The following ZNRF1 variants were observed in gnomAD, a reference collection of about 807,000 sequenced individuals.
ZNRF1 encodes zinc and ring finger 1, also known as E3 ubiquitin-protein ligase ZNRF1.
In ZNRF1, 3 loss-of-function variants were observed where a neutral mutation model predicts 18.4. The ratio of observed to expected loss-of-function variants is 0.16; its 90% CI spans 0.07 to 0.42. The LOEUF (loss-of-function observed/expected upper bound fraction) is 0.42, where lower values mean the gene tolerates loss of function less well. ZNRF1 is among the 10% of genes least tolerant of loss of function. The pLI is 0.99. For missense variants in ZNRF1, 310 were observed against 329.8 expected (o/e 0.94, Z 0.47); for synonymous variants, 157 against 144.2 (o/e 1.09, Z -0.64).
intron 1 of ZNRF1, among the ~76,000 whole-genome samples, chr16:75,069,250 A>AG (rs1374429609): frequency 6.6e-6 from 1 of 151,844 alleles, no homozygotes; most frequent in Non-Finnish European, 1.5e-5. Flanking sequence ...TTTGTTTGGC[A>AG]GGGGGGTTAT....
chr16:75,001,501 A>T (rs963977189), intron 1 of ZNRF1, among the ~76,000 whole-genome samples: 4 of 152,226 alleles, frequency 2.6e-5, no homozygotes, highest in African/African-American at 9.6e-5. Flanking sequence ...CTGAGTGAGA[A>T]GCAGGACATG....
chr16:75,106,811 G>T (rs1415968256), intron 4 of ZNRF1: 4 of 463,172 alleles, frequency 8.6e-6, no homozygotes. Context: ...AGGATCAGTT[G>T]GGGAAGAGAC....
chr16:75,025,647 C>T (rs2035212571), intron 1 of ZNRF1, among the ~76,000 whole-genome samples: 1 of 152,154 alleles, frequency 6.6e-6, no homozygotes, highest in South Asian at 2.1e-4. Flanking sequence ...AGCTCGACCC[C>T]CACTGCAGAG....
chr16:75,074,214 G>A (rs1033448940), intron 1 of ZNRF1, among the ~76,000 whole-genome samples: 2 of 152,174 alleles, frequency 1.3e-5, no homozygotes, highest in African/African-American at 4.8e-5. Context: ...GCAGTGTGGT[G>A]CCATGGAAGG....
At chr16:75,100,994 C>T (rs982123782) in intron 2 of ZNRF1, among the ~76,000 whole-genome samples, 6 of 152,206 alleles carry the variant, frequency 3.9e-5, no homozygotes, top group African/African-American at 1.4e-4. Flanking sequence ...AGTACAGTGG[C>T]ACAATCTTGG....
At chr16:75,012,390 T>G (rs1249464318) in intron 1 of ZNRF1, among the ~76,000 whole-genome samples, 1 of 152,142 alleles carries the variant, frequency 6.6e-6, no homozygotes, top group Non-Finnish European at 1.5e-5. Flanking sequence ...GACCTAATGA[T>G]GAGAATCTAG....
Position 75,109,069 on chromosome 16 carries a change from C to G in ZNRF1, c.*1369C>G, listed in dbSNP as rs552484633. On this transcript the variant is annotated 3_prime_UTR_variant, in exon 5 of 5. Transcript: ENST00000335325. ...GCCCCCCTCCTTCCAGCCTTTGCTC[C>G]CCATCCCACGTTCCACTCGCCCTGC... 1 of 153,174 alleles carries G rather than the reference C, an allele frequency of 6.5e-6. No homozygotes were observed. The highest frequency in any genetic ancestry group is 2.4e-5 in the African/African-American group (1 of 41,616). 9.5% of individuals were successfully genotyped at this position (153,174 alleles called of 1,614,324 possible).
intron 1 of ZNRF1, among the ~76,000 whole-genome samples, chr16:75,058,461 G>A (rs1293496556): frequency 1.3e-5 from 2 of 152,168 alleles, no homozygotes; most frequent in Non-Finnish European, 2.9e-5. Flanking sequence ...GCCCAACACT[G>A]TTGCAGTCAG....
intron 2 of ZNRF1, among the ~76,000 whole-genome samples, chr16:75,096,282 T>C: frequency 6.6e-6 from 1 of 152,156 alleles, no homozygotes; most frequent in Non-Finnish European, 1.5e-5. Flanking sequence ...TATGGACTCC[T>C]CATGTTCAGT....
chr16:75,040,844 G>C (rs1567475266), intron 1 of ZNRF1, among the ~76,000 whole-genome samples: 1 of 151,882 alleles, frequency 6.6e-6, no homozygotes, highest in Admixed American at 6.6e-5. Flanking sequence ...CTGACCTCAG[G>C]TGATCCACCC....
intron 1 of ZNRF1, among the ~76,000 whole-genome samples, chr16:75,023,608 C>T (rs1351743520): frequency 6.6e-6 from 1 of 151,822 alleles, no homozygotes; most frequent in East Asian, 2.0e-4. Flanking sequence ...CTCTTGAACC[C>T]GGGAGGTGGA....
At chr16:75,095,356 C>T (rs537005055) in intron 2 of ZNRF1, among the ~76,000 whole-genome samples, 28 of 152,212 alleles carry the variant, frequency 1.8e-4, no homozygotes, top group Middle Eastern at 3.4e-3. Flanking sequence ...GTGCTGCAGG[C>T]TTCGCGTCAG....
chr16:75,097,437 T>C (rs570051732), intron 2 of ZNRF1, among the ~76,000 whole-genome samples: 4 of 151,864 alleles, frequency 2.6e-5, no homozygotes, highest in Non-Finnish European at 5.9e-5. Flanking sequence ...ATGCTCAGCT[T>C]CTTATGTCAT....
At chr16:75,077,649 G>A (rs181570014) in intron 1 of ZNRF1, among the ~76,000 whole-genome samples, 6 of 152,316 alleles carry the variant, frequency 3.9e-5, no homozygotes, top group Admixed American at 6.5e-5. Flanking sequence ...CAACACAAAT[G>A]TATTTTCTTG....
intron 1 of ZNRF1, among the ~76,000 whole-genome samples, chr16:75,024,970 A>G (rs2035201076): frequency 6.6e-6 from 1 of 152,196 alleles, no homozygotes; most frequent in South Asian, 2.1e-4. Flanking sequence ...AAAGCACATT[A>G]TGCTTGTTTC....
intron 1 of ZNRF1, among the ~76,000 whole-genome samples, chr16:75,063,309 C>T (rs914589395): frequency 2.0e-5 from 3 of 152,128 alleles, no homozygotes; most frequent in Admixed American, 6.5e-5. Flanking sequence ...CAGGGAGGCC[C>T]GAGCAGACCC....
intron 2 of ZNRF1, among the ~76,000 whole-genome samples, chr16:75,097,690 G>A (rs74766469): frequency 2.0e-5 from 3 of 152,234 alleles, no homozygotes; most frequent in African/African-American, 4.8e-5. Flanking sequence ...GGTGGCAAGC[G>A]CCTGTAGTTC....
Position 75,000,183 on chromosome 16 carries a change from G to C in ZNRF1, c.424+88G>C, listed in dbSNP as rs2034824479. 3.3e-6 allele frequency: 5 copies of C among 1,507,658 alleles called. No individual in the cohort carries two copies. The South Asian group carries it at 3.6e-5, about 11-fold the overall frequency. The allele number at this position is 1,507,658 out of a possible 1,614,324, so 93.4% of individuals were successfully genotyped here. A position where few individuals can be genotyped will look rare whatever the true frequency, so the allele number is the denominator to read the frequency against. On this transcript the variant is annotated intron_variant, in intron 1 of 4. Coordinates refer to ENST00000335325, the MANE Select transcript of ZNRF1 (RefSeq NM_032268.5). ...GTGCGTGCCAAGGTTTGGGAATGTA[G>C]TGCACGACCGGGATCTGTCTGCATT...
chr16:75,022,997 TG>T (rs1049939761), intron 1 of ZNRF1, among the ~76,000 whole-genome samples: 2 of 152,182 alleles, frequency 1.3e-5, no homozygotes, highest in Admixed American at 6.5e-5. Flanking sequence ...TCCTGTAATT[TG>T]GTAATTGGAA....
Sources: allele counts gnomAD v4.1 joint callset (sites outside exome capture counted in the v4.1 genomes callset), GRCh38; gene constraint gnomAD v4.1.1; transcripts MANE v1.5; gene names NCBI Gene and HGNC (gene_info 2026-07-23, HGNC 2026-07-21).